RERE: variants seen among roughly 807,000 people sequenced by gnomAD.
RERE encodes the protein arginine-glutamic acid dipeptide repeats protein.
Under a neutral mutation model 146.1 loss-of-function variants are expected in RERE, and 40 were observed. The observed-to-expected ratio is 0.27, with a 90% CI of 0.21 to 0.36. The LOEUF is 0.36. Among genes scored for constraint, RERE ranks in the 10% least tolerant of loss-of-function variants. The probability of loss-of-function intolerance (pLI) is 1.00; values close to 1 mark genes in which losing one functional copy is unlikely to be tolerated. For missense variants in RERE, 1,933 were observed against 2,138.7 expected (o/e 0.90, Z 1.90); for synonymous variants, 1,003 against 866.0 (o/e 1.16, Z -2.78).
intron 1 of RERE, among the ~76,000 whole-genome samples, chr1:8,772,975 T>C (rs1277873452): frequency 6.6e-6 from 1 of 152,026 alleles, no homozygotes; most frequent in Non-Finnish European, 1.5e-5. Flanking sequence ...TAATCCCAGC[T>C]ACTTGGGAAG....
chr1:8,369,709 C>A (rs1304058458), intron 12 of RERE, among the ~76,000 whole-genome samples: 1 of 151,810 alleles, frequency 6.6e-6, no homozygotes, highest in Non-Finnish European at 1.5e-5. Context: ...AACAACCCAG[C>A]AATTCTTCTC....
intron 7 of RERE, among the ~76,000 whole-genome samples, chr1:8,537,293 G>T (rs952349340): frequency 6.6e-6 from 1 of 152,156 alleles, no homozygotes; most frequent in African/African-American, 2.4e-5. Context: ...TCCTTAGGAT[G>T]AGAGGTTTAC....
At chr1:8,782,143 C>T (rs1409426436) in intron 1 of RERE, among the ~76,000 whole-genome samples, 1 of 152,124 alleles carries the variant, frequency 6.6e-6, no homozygotes, top group African/African-American at 2.4e-5. Context: ...GAAACAAACC[C>T]TGCCCTGAAA....
At chr1:8,617,471 C>T (rs934917223) in intron 3 of RERE, among the ~76,000 whole-genome samples, 12 of 151,726 alleles carry the variant, frequency 7.9e-5, no homozygotes, top group Admixed American at 6.6e-4. Flanking sequence ...TACTTGATAA[C>T]GAACTTTAAT....
intron 10 of RERE, among the ~76,000 whole-genome samples, chr1:8,471,060 C>A (rs1644677762): frequency 6.6e-6 from 1 of 151,762 alleles, no homozygotes; most frequent in South Asian, 2.1e-4. Flanking sequence ...CATGATCCCC[C>A]CCTGCCTCAG....
chr1:8,607,974 C>T (rs1646742357), intron 4 of RERE, among the ~76,000 whole-genome samples: 1 of 152,180 alleles, frequency 6.6e-6, no homozygotes, highest in South Asian at 2.1e-4. Context: ...GATCCACCCA[C>T]CTCGGCCTCC....
chr1:8,377,886 G>A (rs1023350490), intron 12 of RERE, among the ~76,000 whole-genome samples: 2 of 152,134 alleles, frequency 1.3e-5, no homozygotes, highest in Non-Finnish European at 2.9e-5. Context: ...AGGGGCTGGA[G>A]GGAAATCCAT....
At chr1:8,757,609 T>C (rs1640667456) in intron 1 of RERE, among the ~76,000 whole-genome samples, 1 of 145,634 alleles carries the variant, frequency 6.9e-6, no homozygotes, top group Admixed American at 7.0e-5. Context: ...CTCCCACAGC[T>C]GATAGAACAT....
chr1:8,588,939 C>A (rs1019031791), intron 4 of RERE, among the ~76,000 whole-genome samples: 1 of 152,172 alleles, frequency 6.6e-6, no homozygotes, highest in Non-Finnish European at 1.5e-5. Context: ...GCCTGGCCAA[C>A]ATGGTGAAAC....
At chr1:8,419,859 A>C (rs1440106688) in intron 12 of RERE, among the ~76,000 whole-genome samples, 2 of 152,218 alleles carry the variant, frequency 1.3e-5, no homozygotes, top group Non-Finnish European at 2.9e-5. Flanking sequence ...GCAAGTAACG[A>C]CGTACAGGCA....
At chr1:8,786,308 T>C in intron 1 of RERE, 1 of 904,096 alleles carries the variant, frequency 1.1e-6, no homozygotes. Context: ...GAAAATAATT[T>C]GAAGGGCCAC....
intron 12 of RERE, among the ~76,000 whole-genome samples, chr1:8,402,159 G>A (rs185769323): frequency 6.6e-5 from 10 of 152,270 alleles, no homozygotes; most frequent in East Asian, 1.9e-4. Flanking sequence ...GAGCCGCTGC[G>A]CCCGGCCAAC....
intron 12 of RERE, among the ~76,000 whole-genome samples, chr1:8,410,688 A>C (rs1209117048): frequency 6.6e-6 from 1 of 152,216 alleles, no homozygotes; most frequent in African/African-American, 2.4e-5. Flanking sequence ...ACAAGTTTTA[A>C]CATTGAAAAC....
intron 1 of RERE, among the ~76,000 whole-genome samples, chr1:8,671,942 T>A (rs549704750): frequency 2.5e-4 from 38 of 152,006 alleles, no homozygotes; most frequent in Admixed American, 5.9e-4. Context: ...TATGATTACA[T>A]CTGTAAGAGA....
At chr1:8,531,007 T>TTCTTTCTA (rs1215718651) in intron 7 of RERE, among the ~76,000 whole-genome samples, 42 of 140,352 alleles carry the variant, frequency 3.0e-4, no homozygotes, top group Non-Finnish European at 4.6e-4. Context: ...GAACTGAGTT[T>TTCTTTCTA]TCTATCTATC....
intron 12 of RERE, among the ~76,000 whole-genome samples, chr1:8,385,996 ATAT>A (rs1557603063): frequency 2.8e-3 from 72 of 25,330 alleles, no homozygotes; most frequent in South Asian, 4.7e-3. Flanking sequence ...AAAAAAAAAT[ATAT>A]ATATATATAT....
intron 3 of RERE, among the ~76,000 whole-genome samples, chr1:8,616,672 A>G (rs1238341966): frequency 6.6e-6 from 1 of 152,202 alleles, no homozygotes; most frequent in Non-Finnish European, 1.5e-5. Context: ...ATTAAACAAA[A>G]CTTTTTCAAT....
rs1644591329 is a variant in RERE, at chr1:8,465,994, T to C, written c.1134A>G (p.Lys378=). ...GCTTCTTCACCAGGCGCTGCAGGGC[T>C]TTGCCAGCATCGTAACCGCTTTCAT... is the stretch of plus-strand genomic sequence containing the variant. ...TLHESGYDAG[K]ALQRLVKKPV... The change falls in exon 11 of 23, where the codon AAA becomes AAG. Residue 378 remains lysine, a synonymous_variant. Coordinates refer to ENST00000400908, the MANE Select transcript of RERE (RefSeq NM_001042681.2). 3.7e-6 allele frequency: 6 copies of C among 1,611,884 alleles called. No homozygotes were observed. The highest frequency in any genetic ancestry group is 5.1e-6 in the Non-Finnish European group (6 of 1,178,342).
chr1:8,547,198 CT>C (rs1645874690), intron 6 of RERE, among the ~76,000 whole-genome samples: 1 of 151,650 alleles, frequency 6.6e-6, no homozygotes, highest in Non-Finnish European at 1.5e-5. Flanking sequence ...GAGTGTAGTG[CT>C]GACACATAGA....
Sources: allele counts gnomAD v4.1 joint callset (sites outside exome capture counted in the v4.1 genomes callset), GRCh38; gene constraint gnomAD v4.1.1; transcripts MANE v1.5; gene names NCBI Gene and HGNC (gene_info 2026-07-23, HGNC 2026-07-21).